Variants in BCAS3 observed in about 807,000 individuals in gnomAD.
BCAS3 encodes the protein BCAS3 microtubule associated cell migration factor.
A neutral mutation model predicts 116.1 loss-of-function variants in BCAS3; 53 were observed. The observed-to-expected ratio is 0.46, with a 90% CI of 0.37 to 0.57. The LOEUF (loss-of-function observed/expected upper bound fraction) is 0.57, where lower values mean the gene tolerates loss of function less well. BCAS3 is among the 20% of genes least tolerant of loss of function. The pLI is 0.00. For missense variants in BCAS3, 917 were observed against 1,165.4 expected (o/e 0.79, Z 3.10); for synonymous variants, 391 against 408.2 (o/e 0.96, Z 0.51).
chr17:61,280,952 C>T (rs1219298743), intron 22 of BCAS3, among the ~76,000 whole-genome samples: 1 of 152,182 alleles, frequency 6.6e-6, no homozygotes, highest in African/African-American at 2.4e-5. Context: ...AAAGGTATTA[C>T]ATACTATGTG....
In BCAS3 at chr17:61,279,477, C is replaced by G. The variant is rs981550238; in HGVS notation, c.2426-88850C>G. Among the ~76,000 whole-genome samples the G allele has an allele frequency of 6.6e-6, 1 of 152,078 alleles. No homozygotes were observed. Among genetic ancestry groups the G allele is most frequent in the Non-Finnish European group, 1.5e-5 (1 of 68,024 alleles). ...GTTCTTCTTGAAGAGCAGCTTCTGC[C>G]TAGCCCATGGTGGCTAAGAGATTCA... On this transcript the variant is annotated intron_variant, in intron 22 of 23. Transcript: ENST00000407086. This position sits in a 1 kb window ranked among gnomAD's most constrained non-coding sequence, Gnocchi z 4.4.
chr17:61,006,272 G>C (rs1480560918), intron 15 of BCAS3, among the ~76,000 whole-genome samples: 3 of 152,036 alleles, frequency 2.0e-5, no homozygotes, highest in Non-Finnish European at 2.9e-5. Flanking sequence ...AGTACATAAA[G>C]ATAAGTTCTG....
Position 61,297,371 on chromosome 17 carries a change from A to C in BCAS3, c.2426-70956A>C, listed in dbSNP as rs545134214. ...GAACAGCCGAGAGAAAGGGAAGCCA[A>C]AGTCATACTCCTTGACTTTTTCTTT... On this transcript the variant is annotated intron_variant, in intron 22 of 23. Transcript: ENST00000407086. 2.8e-3 allele frequency among the ~76,000 whole-genome samples: 427 copies of C among 152,216 alleles called. 1 individual carries two copies. The highest frequency in any genetic ancestry group is 9.7e-3 in the African/African-American group (402 of 41,544).
intron 11 of BCAS3, among the ~76,000 whole-genome samples, chr17:60,903,727 C>T (rs1396505003): frequency 6.6e-6 from 1 of 152,160 alleles, no homozygotes; most frequent in Non-Finnish European, 1.5e-5. Flanking sequence ...ATCACCGCAC[C>T]CAGCAATTGC....
At chr17:60,704,910 A>G (rs2036913214) in intron 4 of BCAS3, among the ~76,000 whole-genome samples, 1 of 151,974 alleles carries the variant, frequency 6.6e-6, no homozygotes. Context: ...TTCAACCCCA[A>G]AAGTATGGAA....
At chr17:61,115,446 T>C (rs2075369639) in intron 22 of BCAS3, among the ~76,000 whole-genome samples, 1 of 145,288 alleles carries the variant, frequency 6.9e-6, no homozygotes, top group Non-Finnish European at 1.5e-5. Context: ...GAACAGACAC[T>C]TCTCAAAAGA....
chr17:60,786,179 A>G (rs1456844507), intron 6 of BCAS3, among the ~76,000 whole-genome samples: 1 of 152,028 alleles, frequency 6.6e-6, no homozygotes, highest in Non-Finnish European at 1.5e-5. Context: ...GGGTATTAAT[A>G]TTGTTTACTT....
At chr17:60,704,215 A>C (rs1274248630) in intron 4 of BCAS3, among the ~76,000 whole-genome samples, 1 of 152,158 alleles carries the variant, frequency 6.6e-6, no homozygotes, top group Non-Finnish European at 1.5e-5. Flanking sequence ...GAGTTTTTTA[A>C]TGCTGAGAGA....
rs1466093637 is a variant in BCAS3 at position 61,349,556 on chromosome 17, G to A, written c.2426-18771G>A. 1.3e-5 allele frequency among the ~76,000 whole-genome samples: 2 copies of A among 152,188 alleles called. No individual in the cohort carries two copies. The highest frequency in any genetic ancestry group is 2.9e-5 in the Non-Finnish European group (2 of 68,034). The stretch of plus-strand genomic sequence containing the variant: ...CCAGAGCCCCTCACTGCCCCCTGGT[G>A]TAGACAGTCTGATTGCCTACTCCAT... On this transcript the variant is annotated intron_variant, in intron 22 of 23. Transcript: ENST00000407086. The surrounding 1 kb of genome is among the most constrained non-coding windows in gnomAD (Gnocchi z 4.7).
rs1239950415 is a variant in BCAS3, at chr17:60,964,507, T to C, written c.1221+17155T>C. Among the ~76,000 whole-genome samples, 1 of 152,184 alleles carries C rather than the reference T, an allele frequency of 6.6e-6. No individual in the cohort carries two copies. Among genetic ancestry groups the C allele is most frequent in the Non-Finnish European group, 1.5e-5 (1 of 68,026 alleles). ...GGCCTGTAGTTTTCTTTTCTTGTTG[T>C]CGTGTCCTTATCTGATTTTACTGTC... On this transcript the variant is annotated intron_variant, in intron 14 of 23. Coordinates refer to ENST00000407086, the MANE Select transcript of BCAS3 (RefSeq NM_017679.5). This position sits in a 1 kb window ranked among gnomAD's most constrained non-coding sequence, Gnocchi z 4.6.
chr17:61,290,867 G>A (rs1198698516), intron 22 of BCAS3, among the ~76,000 whole-genome samples: 2 of 151,984 alleles, frequency 1.3e-5, no homozygotes, highest in Non-Finnish European at 2.9e-5. Flanking sequence ...TGTGAGCTCC[G>A]CCTCCCGGGT....
chr17:61,004,381 A>G lies in BCAS3; in HGVS notation c.1487-11370A>G, dbSNP rs1395407766. On this transcript the variant is annotated intron_variant, in intron 15 of 23. Coordinates refer to ENST00000407086, the MANE Select transcript of BCAS3 (RefSeq NM_017679.5). The surrounding 1 kb of genome is among the most constrained non-coding windows in gnomAD (Gnocchi z 4.8). The stretch of plus-strand genomic sequence containing the variant: ...AAGATCTGAAATGTTTTTTTTTTTT[A>G]ATTTGGAGAAAAATTGGAGAGGGAG... 6.7e-6 allele frequency among the ~76,000 whole-genome samples: 1 copy of G among 149,574 alleles called. No individual in the cohort carries two copies. The highest frequency in any genetic ancestry group is 2.5e-5 in the African/African-American group (1 of 40,740).
intron 6 of BCAS3, among the ~76,000 whole-genome samples, chr17:60,780,678 C>T (rs2045748247): frequency 2.0e-5 from 3 of 152,072 alleles, no homozygotes; most frequent in African/African-American, 4.8e-5. Context: ...AAAAGATAGA[C>T]CTCTTGATAC....
At chr17:60,860,151 C>CT (rs1359743819) in intron 7 of BCAS3, among the ~76,000 whole-genome samples, 1 of 152,170 alleles carries the variant, frequency 6.6e-6, no homozygotes, top group Non-Finnish European at 1.5e-5. Context: ...CACAACCTCG[C>CT]TAGCATCTAT....
chr17:60,867,882 G>T (rs1386612812), intron 7 of BCAS3, among the ~76,000 whole-genome samples: 1 of 151,964 alleles, frequency 6.6e-6, no homozygotes, highest in Non-Finnish European at 1.5e-5. Flanking sequence ...TTTTATGGGT[G>T]TTTGCTAGTT....
Position 60,925,849 on chromosome 17 carries a change from ATT to A in BCAS3, c.1087+1360_1087+1361del, listed in dbSNP as rs111334653. On this transcript the variant is annotated intron_variant, in intron 13 of 23. Transcript: ENST00000407086. ...GGACTAGAAGTCTTTCTGATTTTAGATTTTTTTTTTTTGATTTTGGAATATTT... is the reference window on the plus strand; with the variant it reads ...GGACTAGAAGTCTTTCTGATTTTAGATTTTTTTTTTGATTTTGGAATATTT... 6.3e-3 allele frequency among the ~76,000 whole-genome samples: 931 copies of A among 147,734 alleles called. 6 individuals carry two copies. The highest frequency in any genetic ancestry group is 0.022 in the African/African-American group (880 of 40,824).
intron 22 of BCAS3, among the ~76,000 whole-genome samples, chr17:61,163,356 G>A (rs2078280596): frequency 6.6e-6 from 1 of 152,070 alleles, no homozygotes; most frequent in Non-Finnish European, 1.5e-5. Context: ...CCTGGGAGGC[G>A]GAGCTTGCAG....
At chr17:61,036,862 T>G (rs1444068853) in intron 17 of BCAS3, among the ~76,000 whole-genome samples, 1 of 152,120 alleles carries the variant, frequency 6.6e-6, no homozygotes, top group Non-Finnish European at 1.5e-5. Context: ...AGAAGAGGAT[T>G]TGGGGGAAGG....
Position 61,233,566 on chromosome 17 carries a change from A to T in BCAS3, c.2426-134761A>T, listed in dbSNP as rs1171740252. ...TGGAGCCAGTAGACTTGATTTGGAG[A>T]TGAAGCATATACCGAACTTGAAGAC... On this transcript the variant is annotated intron_variant, in intron 22 of 23. Coordinates refer to ENST00000407086, the MANE Select transcript of BCAS3 (RefSeq NM_017679.5). This position sits in a 1 kb window ranked among gnomAD's most constrained non-coding sequence, Gnocchi z 4.3. Among the ~76,000 whole-genome samples, 3 of 152,218 alleles carry T rather than the reference A, an allele frequency of 2.0e-5. No individual in the cohort carries two copies. The highest frequency in any genetic ancestry group is 4.8e-5 in the African/African-American group (2 of 41,458).
Sources: gnomAD v4.1 joint callset for allele counts (sites outside exome capture counted in the v4.1 genomes callset) on GRCh38, gnomAD v4.1.1 for gene constraint, Gnocchi (gnomAD v3.1) non-coding constraint, MANE v1.5 for transcripts, NCBI Gene and HGNC (gene_info 2026-07-23, HGNC 2026-07-21) for gene names.